IL1RAPL2: variants seen among roughly 807,000 people sequenced by gnomAD.
IL1RAPL2 encodes interleukin 1 receptor accessory protein like 2.
Under a neutral mutation model 44.1 loss-of-function variants are expected in IL1RAPL2, and 3 were observed. The ratio of observed to expected loss-of-function variants is 0.07; its 90% CI spans 0.03 to 0.18. IL1RAPL2 has a LOEUF of 0.18. Among genes scored for constraint, IL1RAPL2 ranks in the 10% least tolerant of loss-of-function variants. The probability of loss-of-function intolerance (pLI) is 1.00; values close to 1 mark genes in which losing one functional copy is unlikely to be tolerated. For synonymous variants in IL1RAPL2, 181 were observed against 178.8 expected (o/e 1.01, Z -0.10); for missense variants, 391 against 496.4 (o/e 0.79, Z 2.02).
chrX:104,696,039 C>T (rs1931177097), intron 2 of IL1RAPL2, among the ~76,000 whole-genome samples: 1 of 111,450 alleles, frequency 9.0e-6, no homozygotes, highest in Non-Finnish European at 1.9e-5. Context: ...AACTCCTGAC[C>T]TCAAGTGATC....
rs770893197 is a variant in IL1RAPL2, at chrX:105,070,338, T to G, written c.83-125137T>G. Among the ~76,000 whole-genome samples, 5 of 111,904 alleles carry G rather than the reference T, an allele frequency of 4.5e-5. No homozygotes were observed. In the South Asian group the frequency reaches 1.9e-3, roughly 42 times the overall value. ...GAAGGTCTTCCTTATTGTCATATCT[T>G]AAGGCAGTCTATTTTTCTTTTCATA... On this transcript the variant is annotated intron_variant, in intron 2 of 10. Coordinates refer to ENST00000372582, the MANE Select transcript of IL1RAPL2 (RefSeq NM_017416.2).
intron 5 of IL1RAPL2, among the ~76,000 whole-genome samples, chrX:105,291,351 C>T (rs998891338): frequency 9.0e-6 from 1 of 111,582 alleles, no homozygotes; most frequent in Non-Finnish European, 1.9e-5. Flanking sequence ...ATTTGTGTTT[C>T]ACAATTTGTC....
intron 2 of IL1RAPL2, among the ~76,000 whole-genome samples, chrX:104,963,311 C>T (rs904741850): frequency 3.6e-5 from 4 of 112,042 alleles, no homozygotes; most frequent in South Asian, 7.4e-4. Flanking sequence ...TTAATACTTA[C>T]ATTTGATCTT....
At chrX:104,730,420 T>G (rs1183620613) in intron 2 of IL1RAPL2, among the ~76,000 whole-genome samples, 5 of 85,448 alleles carry the variant, frequency 5.9e-5, no homozygotes, top group African/African-American at 1.7e-4. Context: ...CCCCTTCCTG[T>G]GTCCATGTGT....
intron 6 of IL1RAPL2, among the ~76,000 whole-genome samples, chrX:105,489,760 CTT>C (rs1363636350): frequency 1.1e-5 from 1 of 89,098 alleles, no homozygotes; most frequent in Non-Finnish European, 2.1e-5. Context: ...CTTTCTTTCT[CTT>C]TCTTTCTTTC....
chrX:105,394,339 G>GCATTT (rs948030722), intron 5 of IL1RAPL2, among the ~76,000 whole-genome samples: 5 of 111,782 alleles, frequency 4.5e-5, no homozygotes, highest in African/African-American at 6.5e-5. Context: ...GCTCCTTATT[G>GCATTT]CATTTTGAAT....
chrX:105,720,230 T>G (rs2147556010), intron 7 of IL1RAPL2, among the ~76,000 whole-genome samples: 1 of 111,938 alleles, frequency 8.9e-6, no homozygotes, highest in East Asian at 2.8e-4. Context: ...TGACATATAA[T>G]AAATCACACA....
chrX:105,063,238 A>T (rs1261696709), intron 2 of IL1RAPL2, among the ~76,000 whole-genome samples: 1 of 112,196 alleles, frequency 8.9e-6, no homozygotes, highest in Non-Finnish European at 1.9e-5. Context: ...TCAAAATTCA[A>T]GCAAGCCCCA....
At chrX:104,723,217 A>G (rs898335652) in intron 2 of IL1RAPL2, among the ~76,000 whole-genome samples, 1 of 111,750 alleles carries the variant, frequency 8.9e-6, no homozygotes, top group Non-Finnish European at 1.9e-5. Context: ...GAGTCTTGCA[A>G]TGGAGCATAA....
At chrX:104,949,593 C>T (rs773037829) in intron 2 of IL1RAPL2, among the ~76,000 whole-genome samples, 1,183 of 106,855 alleles carry the variant, frequency 0.011, 15 homozygotes, top group Non-Finnish European at 0.019. Context: ...GCTTTGAATG[C>T]ATCCCAGAGA....
Position 105,597,032 on chromosome X carries a change from G to C in IL1RAPL2, c.772+112645G>C, listed in dbSNP as rs970629848. On this transcript the variant is annotated intron_variant, in intron 6 of 10. Transcript: ENST00000372582. ...GACAAATCAACAAAATGCAAAAGTA[G>C]CCTATGGATTAAGAGCACAGATTTG... Among the ~76,000 whole-genome samples, 11 of 111,670 alleles carry C rather than the reference G, an allele frequency of 9.9e-5. No homozygotes were observed. In the Admixed American group the frequency reaches 1.0e-3, roughly 11 times the overall value.
chrX:105,755,409 C>T, intron 10 of IL1RAPL2, 62 bp downstream of exon 10: 1 of 860,274 alleles, frequency 1.2e-6, no homozygotes, highest in Non-Finnish European at 1.6e-6. Context: ...TATGTGAAGG[C>T]TTCAAACATC....
intron 2 of IL1RAPL2, among the ~76,000 whole-genome samples, chrX:104,712,126 G>C (rs1480427873): frequency 9.0e-6 from 1 of 111,134 alleles, no homozygotes; most frequent in Non-Finnish European, 1.9e-5. Context: ...GTGGCCACAA[G>C]TGAAAAGAGA....
intron 5 of IL1RAPL2, among the ~76,000 whole-genome samples, chrX:105,426,674 T>C (rs1385537282): frequency 9.0e-6 from 1 of 111,363 alleles, no homozygotes; most frequent in Non-Finnish European, 1.9e-5. Flanking sequence ...TAACTCTGTA[T>C]CCCCAACATC....
intron 2 of IL1RAPL2, among the ~76,000 whole-genome samples, chrX:104,964,639 T>A (rs1287148502): frequency 9.1e-6 from 1 of 110,034 alleles, no homozygotes; most frequent in African/African-American, 3.3e-5. Context: ...CCAAGAAAAA[T>A]AAGAAATAGC....
intron 2 of IL1RAPL2, among the ~76,000 whole-genome samples, chrX:104,949,731 G>T (rs1419073531): frequency 9.0e-6 from 1 of 111,306 alleles, no homozygotes; most frequent in Non-Finnish European, 1.9e-5. Context: ...GAGCAGTTTT[G>T]AGTGACTTTC....
At chrX:105,028,419 C>G (rs73518228) in intron 2 of IL1RAPL2, among the ~76,000 whole-genome samples, 7,636 of 111,120 alleles carry the variant, frequency 0.069, 696 homozygotes, top group African/African-American at 0.24. Flanking sequence ...ATAGTACATG[C>G]CTGTATCAAA....
chrX:105,205,152 G>C (rs1250914596), intron 3 of IL1RAPL2, among the ~76,000 whole-genome samples: 2 of 110,821 alleles, frequency 1.8e-5, no homozygotes, highest in Admixed American at 9.6e-5. Flanking sequence ...ATCAAGAAGG[G>C]CTTCACAGAG....
At chrX:105,531,574 G>A (rs2036636350) in intron 6 of IL1RAPL2, among the ~76,000 whole-genome samples, 1 of 111,389 alleles carries the variant, frequency 9.0e-6, no homozygotes, top group Non-Finnish European at 1.9e-5. Flanking sequence ...GATCCCACTT[G>A]TCCATTTTTG....
Sources: allele counts gnomAD v4.1 joint callset (sites outside exome capture counted in the v4.1 genomes callset), GRCh38; gene constraint gnomAD v4.1.1; transcripts MANE v1.5; gene names NCBI Gene and HGNC (gene_info 2026-07-23, HGNC 2026-07-21).